Variants in EYA2 observed in about 807,000 individuals in gnomAD.
EYA2 encodes protein phosphatase EYA2.
EYA2 carries 31 observed loss-of-function variants against 69.2 expected under a neutral mutation model. The observed-to-expected ratio is 0.45, with a 90% CI of 0.34 to 0.60. The LOEUF (loss-of-function observed/expected upper bound fraction) is 0.60, where lower values mean the gene tolerates loss of function less well. Ranked by LOEUF, EYA2 falls within the 20% of genes least tolerant of loss-of-function variation. The pLI, the probability that EYA2 is intolerant of heterozygous loss-of-function variation, is 0.02. For synonymous variants in EYA2, 257 were observed against 279.4 expected (o/e 0.92, Z 0.80); for missense variants, 622 against 701.2 (o/e 0.89, Z 1.28).
chr20:47,016,395 A>G (rs947380027), intron 5 of EYA2, 98 bp downstream of exon 5: 7 of 880,394 alleles, frequency 8.0e-6, no homozygotes, highest in Admixed American at 3.5e-5. Flanking sequence ...TTGAGCACCT[A>G]CTATGTGCCA....
rs544144090 is a variant in EYA2, at chr20:46,902,292, G to T, written c.-11+7305G>T. Among the ~76,000 whole-genome samples, 4 of 151,864 alleles carry T rather than the reference G, an allele frequency of 2.6e-5. No individual in the cohort carries two copies. In the South Asian group the frequency reaches 6.3e-4, roughly 24 times the overall value. ...TCTTTTGTTTTTAAGAAAACACAGA[G>T]TTGTAAGACTTGTTTGGGAATCACA... On this transcript the variant is annotated intron_variant, in intron 1 of 15. Coordinates refer to ENST00000327619, the MANE Select transcript of EYA2 (RefSeq NM_005244.5).
intron 5 of EYA2, among the ~76,000 whole-genome samples, chr20:47,071,439 C>T (rs2146471928): frequency 6.6e-6 from 1 of 152,188 alleles, no homozygotes; most frequent in African/African-American, 2.4e-5. Context: ...AGTAAGAATG[C>T]AAATGGCACA....
intron 5 of EYA2, among the ~76,000 whole-genome samples, chr20:47,068,181 G>A (rs1159930026): frequency 1.3e-5 from 2 of 152,224 alleles, no homozygotes; most frequent in African/African-American, 4.8e-5. Flanking sequence ...TCGATGTGAG[G>A]ATTAAGTGCA....
At chr20:46,990,890 C>T (rs1235184622) in intron 2 of EYA2, among the ~76,000 whole-genome samples, 2 of 152,172 alleles carry the variant, frequency 1.3e-5, no homozygotes, top group African/African-American at 2.4e-5. Flanking sequence ...ACCAAAGTGA[C>T]ACGTATCTAG....
intron 1 of EYA2, among the ~76,000 whole-genome samples, chr20:46,954,556 A>G (rs1486857239): frequency 1.3e-5 from 2 of 152,236 alleles, no homozygotes; most frequent in Admixed American, 6.5e-5. Flanking sequence ...GAGGGAACAC[A>G]CTAATACAGT....
intron 9 of EYA2, among the ~76,000 whole-genome samples, chr20:47,109,068 A>G (rs1600715260): frequency 6.6e-6 from 1 of 152,158 alleles, no homozygotes; most frequent in South Asian, 2.1e-4. Flanking sequence ...TTGAAGGCAG[A>G]CCAGCCACAG....
chr20:47,131,304 C>CT (rs371929008), intron 9 of EYA2, among the ~76,000 whole-genome samples: 5 of 152,194 alleles, frequency 3.3e-5, no homozygotes, highest in Admixed American at 6.5e-5. Context: ...CACTATCCCT[C>CT]TCAACTATTA....
chr20:47,172,825 C>A lies in EYA2; in HGVS notation c.1156C>A (p.Arg386=). 1 of 1,613,902 alleles carries A rather than the reference C, an allele frequency of 6.2e-7. No individual in the cohort carries two copies. Among genetic ancestry groups the A allele is most frequent in the Non-Finnish European group, 8.5e-7 (1 of 1,179,894 alleles). The change falls in exon 12 of 16, where the codon CGG becomes AGG. Residue 386 remains arginine, a synonymous_variant. Coordinates refer to ENST00000327619, the MANE Select transcript of EYA2 (RefSeq NM_005244.5). ...GAGGAAGCTGGCCTTCCGCTACCGGCGGGTGAAGGAGATGTACAATACCTA... is the reference window on the plus strand; with the variant it reads ...GAGGAAGCTGGCCTTCCGCTACCGGAGGGTGAAGGAGATGTACAATACCTA... ...WMRKLAFRYR[R]VKEMYNTYKN...
At chr20:47,178,943 C>CTGT (rs892554889) in intron 12 of EYA2, among the ~76,000 whole-genome samples, 1 of 151,122 alleles carries the variant, frequency 6.6e-6, no homozygotes, top group African/African-American at 2.4e-5. Context: ...ATCACAAAGC[C>CTGT]TGTTTCTTTA....
intron 5 of EYA2, among the ~76,000 whole-genome samples, chr20:47,051,525 AATTTGCAAG>A (rs1796070395): frequency 6.6e-6 from 1 of 152,214 alleles, no homozygotes; most frequent in Admixed American, 6.5e-5. Context: ...TGTGAGTTTT[AATTTGCAAG>A]TTGCTTAACC....
chr20:47,045,124 AT>A lies in EYA2; in HGVS notation c.416-27059del, dbSNP rs1455179492. 1.9e-4 allele frequency among the ~76,000 whole-genome samples: 29 copies of A among 152,138 alleles called. 1 individual carries two copies. The highest frequency in any genetic ancestry group is 1.3e-4 in the Admixed American group (2 of 15,274). ...TGGATCATTTCTCGTAATGTCTTGG[AT>A]TGGCTGGGCTCAGCTAGGTGGTTTT... On this transcript the variant is annotated intron_variant, in intron 5 of 15. Coordinates refer to ENST00000327619, the MANE Select transcript of EYA2 (RefSeq NM_005244.5).
intron 1 of EYA2, among the ~76,000 whole-genome samples, chr20:46,918,296 G>C (rs953434492): frequency 1.3e-5 from 2 of 151,776 alleles, no homozygotes; most frequent in Non-Finnish European, 2.9e-5. Context: ...ACTCCAGCCT[G>C]GGCGACAGAG....
chr20:47,030,343 GC>G, intron 5 of EYA2, among the ~76,000 whole-genome samples: 1 of 152,352 alleles, frequency 6.6e-6, no homozygotes, highest in Admixed American at 6.5e-5. Flanking sequence ...GGGTACTGCA[GC>G]CACCCAACCA....
intron 1 of EYA2, among the ~76,000 whole-genome samples, chr20:46,922,234 A>G (rs1205536681): frequency 6.6e-6 from 1 of 152,250 alleles, no homozygotes; most frequent in Non-Finnish European, 1.5e-5. Context: ...GAACAACCCA[A>G]GCAAGGTCAG....
At chr20:46,902,074 G>A (rs1984142897) in intron 1 of EYA2, among the ~76,000 whole-genome samples, 1 of 152,168 alleles carries the variant, frequency 6.6e-6, no homozygotes, top group South Asian at 2.1e-4. Flanking sequence ...CCACAAGAAA[G>A]ACAAACTGAT....
intron 1 of EYA2, among the ~76,000 whole-genome samples, chr20:46,952,290 G>A (rs1403322557): frequency 2.0e-5 from 3 of 152,106 alleles, no homozygotes; most frequent in Admixed American, 6.5e-5. Flanking sequence ...ACCACTAGGA[G>A]GCCAGTGTGA....
chr20:47,035,568 T>C (rs931808841), intron 5 of EYA2, among the ~76,000 whole-genome samples: 4 of 152,146 alleles, frequency 2.6e-5, no homozygotes, highest in Admixed American at 2.6e-4. Flanking sequence ...TTCTCCTCTC[T>C]CTAATGGCAG....
chr20:47,159,121 C>T (rs1400383267), intron 10 of EYA2, among the ~76,000 whole-genome samples: 5 of 151,938 alleles, frequency 3.3e-5, no homozygotes, highest in African/African-American at 9.7e-5. Flanking sequence ...GTGTGAGCCA[C>T]GCATAGTGAC....
chr20:47,022,954 C>T (rs192138469), intron 5 of EYA2, among the ~76,000 whole-genome samples: 1 of 152,114 alleles, frequency 6.6e-6, no homozygotes. Flanking sequence ...CTATCTAATG[C>T]CACAGCATTT....
Sources: allele counts gnomAD v4.1 joint callset (sites outside exome capture counted in the v4.1 genomes callset), GRCh38; gene constraint gnomAD v4.1.1; transcripts MANE v1.5; gene names NCBI Gene and HGNC (gene_info 2026-07-23, HGNC 2026-07-21).